The following MAML3 variants were observed in gnomAD, a reference collection of about 807,000 sequenced individuals.
The protein encoded by MAML3 is mastermind like transcriptional coactivator 3.
Under a neutral mutation model 101.9 loss-of-function variants are expected in MAML3, and 27 were observed. The observed-to-expected ratio is 0.27, with a 90% CI of 0.20 to 0.37. The LOEUF is 0.37. Ranked by LOEUF, MAML3 falls within the 10% of genes least tolerant of loss-of-function variation. The pLI is 1.00. For synonymous variants in MAML3, 501 were observed against 555.9 expected (o/e 0.90, Z 1.39); for missense variants, 1,316 against 1,444.9 (o/e 0.91, Z 1.45).
At chr4:139,787,429 G>C (rs1391367163) in intron 2 of MAML3, among the ~76,000 whole-genome samples, 4 of 152,076 alleles carry the variant, frequency 2.6e-5, no homozygotes, top group Non-Finnish European at 5.9e-5. Context: ...TATTATTCCT[G>C]TTCTCTGTAT....
intron 2 of MAML3, among the ~76,000 whole-genome samples, chr4:139,756,111 T>C (rs1242585960): frequency 6.6e-6 from 1 of 152,202 alleles, no homozygotes; most frequent in Non-Finnish European, 1.5e-5. Flanking sequence ...AGAGTATTCA[T>C]GAACATACTG....
chr4:139,901,816 C>G (rs1732727559), intron 1 of MAML3, among the ~76,000 whole-genome samples: 1 of 152,232 alleles, frequency 6.6e-6, no homozygotes, highest in Admixed American at 6.5e-5. Context: ...GTATTTTTCT[C>G]TCCCTTGGGG....
intron 1 of MAML3, among the ~76,000 whole-genome samples, chr4:139,892,363 G>A (rs974222352): frequency 2.6e-5 from 4 of 151,834 alleles, no homozygotes; most frequent in African/African-American, 4.8e-5. Flanking sequence ...AACCTCCCAC[G>A]TCAGCAATCA....
chr4:139,790,929 T>G (rs1447258802), intron 2 of MAML3, among the ~76,000 whole-genome samples: 1 of 152,118 alleles, frequency 6.6e-6, no homozygotes, highest in African/African-American at 2.4e-5. Flanking sequence ...AACCTGAAAA[T>G]TTTTATAGTG....
At chr4:139,755,540 G>A (rs576430029) in intron 2 of MAML3, among the ~76,000 whole-genome samples, 5 of 152,280 alleles carry the variant, frequency 3.3e-5, no homozygotes, top group Admixed American at 2.6e-4. Context: ...CCCGGGAGGC[G>A]GAGCTTGCAG....
At chr4:139,955,840 C>A (rs1014377915) in intron 1 of MAML3, among the ~76,000 whole-genome samples, 4 of 152,202 alleles carry the variant, frequency 2.6e-5, no homozygotes, top group Non-Finnish European at 5.9e-5. Context: ...CCTTACCAGG[C>A]TGCACCAAAC....
At position 139,981,514 on chromosome 4, in the gene MAML3, G is replaced by A. The variant is rs551923740; in HGVS notation, c.469-90547C>T. On this transcript the variant is annotated intron_variant, in intron 1 of 4. Transcript: ENST00000509479. ...GTACCTAGTTTTTCCTATTATTAAC[G>A]TCTTATATTAGCATGGTACATTTGT... Among the ~76,000 whole-genome samples, 23 of 152,148 alleles carry A rather than the reference G, an allele frequency of 1.5e-4. No individual in the cohort carries two copies. The East Asian group carries it at 2.5e-3, about 17-fold the overall frequency.
At chr4:139,979,141 A>G (rs1734400400) in intron 1 of MAML3, among the ~76,000 whole-genome samples, 1 of 152,198 alleles carries the variant, frequency 6.6e-6, no homozygotes. Flanking sequence ...TCCTGCAAGG[A>G]AAGTATTAGT....
chr4:140,119,756 G>A (rs1284960750), intron 1 of MAML3, among the ~76,000 whole-genome samples: 3 of 151,820 alleles, frequency 2.0e-5, no homozygotes, highest in Admixed American at 1.3e-4. Flanking sequence ...CTGCTAGCTG[G>A]GACCACAGGC....
chr4:139,961,270 G>A (rs1019713211), intron 1 of MAML3, among the ~76,000 whole-genome samples: 2 of 152,156 alleles, frequency 1.3e-5, no homozygotes, highest in African/African-American at 4.8e-5. Context: ...GGATGCTTTT[G>A]TTTGTTAAGA....
At position 140,154,160 on chromosome 4, in the gene MAML3, T is replaced by G; in HGVS notation, c.-833A>C. On this transcript the variant is annotated 5_prime_UTR_variant, in exon 1 of 5. Transcript: ENST00000509479. ...CTCCTCCTCTCGCTCCTCCACCTCCTCCTCCTCCTCCATGCCAGCGGAGTG... is the reference window on the plus strand; with the variant it reads ...CTCCTCCTCTCGCTCCTCCACCTCCGCCTCCTCCTCCATGCCAGCGGAGTG... 6.0e-6 allele frequency: 1 copy of G among 166,162 alleles called. No homozygotes were observed. Among genetic ancestry groups the G allele is most frequent in the South Asian group, 1.3e-4 (1 of 7,586 alleles). The allele number at this position is 166,162 out of a possible 1,614,324, so 10.3% of individuals were successfully genotyped here.
intron 1 of MAML3, among the ~76,000 whole-genome samples, chr4:140,044,017 C>T (rs113748570): frequency 4.6e-4 from 70 of 152,084 alleles, no homozygotes; most frequent in African/African-American, 1.6e-3. Flanking sequence ...AATACCCGTT[C>T]ATTTTTCATG....
At position 140,154,067 on chromosome 4, in the gene MAML3, T is replaced by C. The variant is rs1578714236; in HGVS notation, c.-740A>G. ...ACCTAACGCTCGGCTGGGCTGCCGC[T>C]GCCGCCGCTGCTCCTGCCACCATCA... is the stretch of plus-strand genomic sequence containing the variant. On this transcript the variant is annotated 5_prime_UTR_variant, in exon 1 of 5. Coordinates refer to ENST00000509479, the MANE Select transcript of MAML3 (RefSeq NM_018717.5). 1.8e-5 allele frequency: 3 copies of C among 166,838 alleles called. No individual in the cohort carries two copies. The highest frequency in any genetic ancestry group is 6.4e-5 in the Admixed American group (1 of 15,568). The allele number at this position is 166,838 out of a possible 1,614,324, so 10.3% of individuals were successfully genotyped here.
chr4:139,836,871 C>G (rs1441107584), intron 2 of MAML3, among the ~76,000 whole-genome samples: 1 of 152,040 alleles, frequency 6.6e-6, no homozygotes, highest in Non-Finnish European at 1.5e-5. Flanking sequence ...GCCTGTAATC[C>G]CAGCACTTTG....
chr4:139,719,640 G>A lies in MAML3; in HGVS notation c.3100C>T (p.Leu1034Phe), dbSNP rs1291972446. The change falls in exon 5 of 5, where the codon CTC becomes TTC. Residue 1034 changes from leucine (L) to phenylalanine (F), a missense_variant. Physicochemically the swap from Leu to Phe is conservative, Grantham distance 22. Transcript: ENST00000509479. The part of the protein sequence containing the change: ...AAMGRQMMPS[L>F]PGQQGTSQAR... The stretch of plus-strand genomic sequence containing the variant: ...TGGCTGGTGCCTTGCTGCCCCGGGA[G>A]CGATGGCATCATCTGCCGACCCATG... The A allele has an allele frequency of 6.2e-7, 1 of 1,612,516 alleles. No homozygotes were observed. Among genetic ancestry groups the A allele is most frequent in the African/African-American group, 1.3e-5 (1 of 74,942 alleles).
At chr4:139,762,231 C>T (rs1033237583) in intron 2 of MAML3, among the ~76,000 whole-genome samples, 1 of 152,162 alleles carries the variant, frequency 6.6e-6, no homozygotes, top group Non-Finnish European at 1.5e-5. Flanking sequence ...CTATATCCCC[C>T]GTGTCTAGCC....
chr4:140,116,359 A>C (rs1031381763), intron 1 of MAML3, among the ~76,000 whole-genome samples: 1 of 152,218 alleles, frequency 6.6e-6, no homozygotes, highest in Admixed American at 6.5e-5. Context: ...GCTCCTATTC[A>C]GGAAGATCCT....
chr4:139,744,764 G>A (rs10005805), intron 2 of MAML3, among the ~76,000 whole-genome samples: 25,504 of 151,960 alleles, frequency 0.17, 2,193 homozygotes, highest in Non-Finnish European at 0.17. Context: ...TGCACTTCAC[G>A]GAAAAGCTCA....
intron 1 of MAML3, among the ~76,000 whole-genome samples, chr4:139,969,888 A>G (rs555545672): frequency 6.6e-6 from 1 of 152,374 alleles, no homozygotes; most frequent in East Asian, 1.9e-4. Context: ...CTGATGGAGT[A>G]GACACATGTT....
Sources: allele counts gnomAD v4.1 joint callset (sites outside exome capture counted in the v4.1 genomes callset), GRCh38; gene constraint gnomAD v4.1.1; transcripts MANE v1.5; gene names NCBI Gene and HGNC (gene_info 2026-07-23, HGNC 2026-07-21).